MAML2: variants seen among roughly 807,000 people sequenced by gnomAD.
The protein encoded by MAML2 is mastermind-like protein 2.
Under a neutral mutation model 96.1 loss-of-function variants are expected in MAML2, and 22 were observed. The observed-to-expected ratio is 0.23, with a 90% CI of 0.16 to 0.33. MAML2 has a LOEUF of 0.33. Among genes scored for constraint, MAML2 ranks in the 10% least tolerant of loss-of-function variants. The pLI, the probability that MAML2 is intolerant of heterozygous loss-of-function variation, is 1.00. For synonymous variants in MAML2, 561 were observed against 521.3 expected, an observed-to-expected ratio of 1.08 and a Z score of -1.04; for missense variants, 1,367 against 1,392.4, an observed-to-expected ratio of 0.98 and a Z score of 0.29.
At chr11:96,040,036 C>T (rs1357852684) in intron 2 of MAML2, among the ~76,000 whole-genome samples, 1 of 151,734 alleles carries the variant, frequency 6.6e-6, no homozygotes, top group Non-Finnish European at 1.5e-5. Context: ...GAATGAGACA[C>T]TTCCAAAGCA....
chr11:95,989,535 A>T (rs1209847227), intron 3 of MAML2, among the ~76,000 whole-genome samples: 1 of 152,144 alleles, frequency 6.6e-6, no homozygotes, highest in East Asian at 1.9e-4. Flanking sequence ...TAATTCATGA[A>T]ATTAGTAGTA....
At chr11:96,090,035 T>G (rs534834016) in intron 2 of MAML2, among the ~76,000 whole-genome samples, 1 of 151,792 alleles carries the variant, frequency 6.6e-6, no homozygotes, top group East Asian at 1.9e-4. Context: ...ATTTCCCTCA[T>G]ACGGATGAAA....
chr11:96,249,236 T>C (rs1025452652), intron 1 of MAML2, among the ~76,000 whole-genome samples: 1 of 152,228 alleles, frequency 6.6e-6, no homozygotes, highest in African/African-American at 2.4e-5. Flanking sequence ...TTCTCCTCTG[T>C]CTCCTTTCTG....
chr11:96,235,034 T>A (rs535838401), intron 1 of MAML2, among the ~76,000 whole-genome samples: 1 of 152,294 alleles, frequency 6.6e-6, no homozygotes, highest in South Asian at 2.1e-4. Context: ...AAACAACCTT[T>A]TCTCAAGAAG....
intron 1 of MAML2, among the ~76,000 whole-genome samples, chr11:96,283,785 C>T (rs1863102167): frequency 1.3e-5 from 2 of 152,180 alleles, no homozygotes; most frequent in South Asian, 4.1e-4. Flanking sequence ...CTCTTCCTCT[C>T]TACTTGCTGA....
At chr11:96,142,643 G>A (rs1860753931) in intron 1 of MAML2, among the ~76,000 whole-genome samples, 1 of 152,164 alleles carries the variant, frequency 6.6e-6, no homozygotes, top group Admixed American at 6.5e-5. Context: ...ACTAAAGAAA[G>A]TATTGCCAAT....
intron 2 of MAML2, among the ~76,000 whole-genome samples, chr11:96,072,573 G>C (rs952351413): frequency 6.6e-6 from 1 of 152,190 alleles, no homozygotes; most frequent in African/African-American, 2.4e-5. Flanking sequence ...CATAAAGTAA[G>C]CTCTTTTGCA....
chr11:96,092,629 CAGA>C lies in MAML2; in HGVS notation c.1399_1401del (p.Ser467del). ...CCAAATGGACCTGGTGATGGTCCAG[CAGA>C]AGAGGGCAAGGCTGACCAGTTGGTA... On this transcript the variant is annotated inframe_deletion, in exon 2 of 5. Coordinates refer to ENST00000524717, the MANE Select transcript of MAML2 (RefSeq NM_032427.4). This position sits in a 1 kb window ranked among gnomAD's most constrained non-coding sequence, Gnocchi z 4.1. The C allele has an allele frequency of 6.2e-7, 1 of 1,613,668 alleles. No homozygotes were observed. The highest frequency in any genetic ancestry group is 8.5e-7 in the Non-Finnish European group (1 of 1,179,738).
chr11:96,307,430 C>A (rs1863479842), intron 1 of MAML2, among the ~76,000 whole-genome samples: 2 of 152,148 alleles, frequency 1.3e-5, no homozygotes, highest in Admixed American at 6.6e-5. Context: ...AAAGTATATT[C>A]CTTAATGTGC....
At chr11:96,026,387 AG>A (rs1416785730) in intron 2 of MAML2, among the ~76,000 whole-genome samples, 2 of 152,166 alleles carry the variant, frequency 1.3e-5, no homozygotes, top group African/African-American at 4.8e-5. Flanking sequence ...CACCCAAGAG[AG>A]ATAATAGTTG....
At chr11:96,024,511 G>A (rs971163282) in intron 2 of MAML2, among the ~76,000 whole-genome samples, 2 of 152,206 alleles carry the variant, frequency 1.3e-5, no homozygotes, top group Non-Finnish European at 2.9e-5. Flanking sequence ...CTTTCTAAGC[G>A]TGCAGACATG....
In MAML2 at chr11:95,977,643, A is replaced by G; in HGVS notation, c.*1305T>C. The G allele has an allele frequency of 4.6e-6, 1 of 216,790 alleles. No individual in the cohort carries two copies. 13.4% of individuals were successfully genotyped at this position (216,790 alleles called of 1,614,324 possible). A position where few individuals can be genotyped will look rare whatever the true frequency, so the allele number is the denominator to read the frequency against. On this transcript the variant is annotated 3_prime_UTR_variant, in exon 5 of 5. Coordinates refer to ENST00000524717, the MANE Select transcript of MAML2 (RefSeq NM_032427.4). ...CATTTTACAGCTGATCTGGATGTGG[A>G]CACTAAGGTTAAATGACTCAACAAA...
chr11:96,272,640 T>C (rs1035501961), intron 1 of MAML2, among the ~76,000 whole-genome samples: 2 of 152,184 alleles, frequency 1.3e-5, no homozygotes, highest in African/African-American at 4.8e-5. Flanking sequence ...GTTCTGGAAG[T>C]CAGCAAACAC....
intron 2 of MAML2, among the ~76,000 whole-genome samples, chr11:96,040,096 T>C (rs1049551181): frequency 3.6e-4 from 55 of 152,340 alleles, no homozygotes; most frequent in African/African-American, 1.2e-3. Flanking sequence ...GCCTGGCCTA[T>C]TCTATTCATG....
At chr11:96,294,437 A>G (rs1481910140) in intron 1 of MAML2, among the ~76,000 whole-genome samples, 2 of 152,216 alleles carry the variant, frequency 1.3e-5, no homozygotes, top group Admixed American at 1.3e-4. Flanking sequence ...AAAGAAACAG[A>G]TAACCATTTT....
intron 1 of MAML2, among the ~76,000 whole-genome samples, chr11:96,189,464 A>C (rs1381072663): frequency 6.6e-6 from 1 of 152,240 alleles, no homozygotes; most frequent in African/African-American, 2.4e-5. Context: ...ATAAGCTTAA[A>C]CACTATTGCG....
intron 1 of MAML2, among the ~76,000 whole-genome samples, chr11:96,137,980 T>C (rs940244701): frequency 6.6e-6 from 1 of 152,170 alleles, no homozygotes; most frequent in Non-Finnish European, 1.5e-5. Flanking sequence ...TTATAACTGG[T>C]AGGCTTTTTG....
chr11:96,121,302 T>C (rs1038763314), intron 1 of MAML2, among the ~76,000 whole-genome samples: 1 of 152,164 alleles, frequency 6.6e-6, no homozygotes, highest in Non-Finnish European at 1.5e-5. Flanking sequence ...TTCATTACAG[T>C]ATATTTCCAC....
intron 3 of MAML2, 140 bp downstream of exon 3, chr11:95,991,380 G>T: frequency 1.3e-6 from 1 of 780,166 alleles, no homozygotes. Context: ...TACACTAAAT[G>T]TATGGAATTA....
Sources: gnomAD v4.1 joint callset for allele counts (sites outside exome capture counted in the v4.1 genomes callset) on GRCh38, gnomAD v4.1.1 for gene constraint, Gnocchi (gnomAD v3.1) non-coding constraint, MANE v1.5 for transcripts, NCBI Gene and HGNC (gene_info 2026-07-23, HGNC 2026-07-21) for gene names.